ANKS1B: variants seen among roughly 807,000 people sequenced by gnomAD.
ANKS1B encodes the protein ankyrin repeat and sterile alpha motif domain-containing protein 1B.
ANKS1B carries 36 observed loss-of-function variants against 148.3 expected under a neutral mutation model. The observed-to-expected ratio is 0.24, with a 90% CI of 0.19 to 0.32. The LOEUF is 0.32. Ranked by LOEUF, ANKS1B falls within the 10% of genes least tolerant of loss-of-function variation. The probability of loss-of-function intolerance (pLI) is 1.00; values close to 1 mark genes in which losing one functional copy is unlikely to be tolerated. For missense variants in ANKS1B, 1,157 were observed against 1,542.6 expected, an observed-to-expected ratio of 0.75 and a Z score of 4.19; for synonymous variants, 542 against 560.8, an observed-to-expected ratio of 0.97 and a Z score of 0.47.
At chr12:99,771,793 C>T (rs1197829688) in intron 8 of ANKS1B, among the ~76,000 whole-genome samples, 1 of 151,900 alleles carries the variant, frequency 6.6e-6, no homozygotes, top group Non-Finnish European at 1.5e-5. Context: ...ACAAAAAAAG[C>T]AGGCCAAGGA....
In ANKS1B at chr12:99,319,772, C is replaced by G. The variant is rs186001032; in HGVS notation, c.1757-72908G>C. Among the ~76,000 whole-genome samples the G allele has an allele frequency of 4.6e-3, 698 of 152,192 alleles. 4 individuals are homozygous for G. The highest frequency in any genetic ancestry group is 0.016 in the African/African-American group (655 of 41,530). ...GTTAGTTTGTTTGTTAGTTGATGCA[C>G]TTTCTTCCTAGCATCGATGGTCTTT... On this transcript the variant is annotated intron_variant, in intron 12 of 26. Coordinates refer to ENST00000683438, the MANE Select transcript of ANKS1B (RefSeq NM_001352186.2).
chr12:98,978,395 T>C lies in ANKS1B; in HGVS notation c.2778+74762A>G, dbSNP rs968608738. Among the ~76,000 whole-genome samples, 13 of 152,312 alleles carry C rather than the reference T, an allele frequency of 8.5e-5. 2 individuals carry two copies. The East Asian group carries it at 2.5e-3, about 29-fold the overall frequency. On this transcript the variant is annotated intron_variant, in intron 17 of 26. Coordinates refer to ENST00000683438, the MANE Select transcript of ANKS1B (RefSeq NM_001352186.2). ...ATCTGTAGTTTATTTTTGGAGGATCTTTGCCCCACAGATTCCAGTCTTACC... is the reference window on the plus strand; with the variant it reads ...ATCTGTAGTTTATTTTTGGAGGATCCTTGCCCCACAGATTCCAGTCTTACC...
At chr12:99,185,879 C>T (rs866468100) in intron 14 of ANKS1B, among the ~76,000 whole-genome samples, 42 of 152,292 alleles carry the variant, frequency 2.8e-4, no homozygotes, top group Middle Eastern at 3.4e-3. Flanking sequence ...CCCTGGAACA[C>T]CAGCGAGACA....
chr12:99,557,413 T>G (rs1471988699), intron 9 of ANKS1B, among the ~76,000 whole-genome samples: 1 of 152,224 alleles, frequency 6.6e-6, no homozygotes, highest in East Asian at 1.9e-4. Flanking sequence ...TACCAGTATT[T>G]GAGCTCTGAG....
At chr12:99,106,621 T>C (rs1384468267) in intron 15 of ANKS1B, among the ~76,000 whole-genome samples, 1 of 152,214 alleles carries the variant, frequency 6.6e-6, no homozygotes, top group Non-Finnish European at 1.5e-5. Context: ...GGGATATATG[T>C]GATATCTTGA....
intron 9 of ANKS1B, among the ~76,000 whole-genome samples, chr12:99,517,786 G>A (rs1596242644): frequency 6.6e-6 from 1 of 152,172 alleles, no homozygotes; most frequent in South Asian, 2.1e-4. Context: ...GATAATCCTT[G>A]TTGTGTTCCA....
At chr12:99,371,590 TGA>T (rs550140765) in intron 12 of ANKS1B, among the ~76,000 whole-genome samples, 2 of 150,794 alleles carry the variant, frequency 1.3e-5, no homozygotes, top group African/African-American at 4.9e-5. Flanking sequence ...ATATACATAC[TGA>T]GAGAGAGAGA....
chr12:99,369,089 A>G (rs982944882), intron 12 of ANKS1B, among the ~76,000 whole-genome samples: 3 of 152,206 alleles, frequency 2.0e-5, no homozygotes, highest in Non-Finnish European at 4.4e-5. Flanking sequence ...GCAAAGGGCA[A>G]ACAGACCTTG....
intron 17 of ANKS1B, among the ~76,000 whole-genome samples, chr12:98,972,050 C>A (rs1001311688): frequency 2.0e-5 from 3 of 152,134 alleles, no homozygotes; most frequent in Admixed American, 6.5e-5. Flanking sequence ...CACTTGTAAG[C>A]CCAGCTACTA....
intron 17 of ANKS1B, chr12:98,895,026 C>T: frequency 1.2e-6 from 1 of 860,820 alleles, no homozygotes; most frequent in Non-Finnish European, 1.4e-6. Flanking sequence ...CCCCCGAACG[C>T]CGTCTCCAGG....
intron 15 of ANKS1B, among the ~76,000 whole-genome samples, chr12:99,122,167 TAATAA>T (rs1410495459): frequency 6.6e-6 from 1 of 152,162 alleles, no homozygotes; most frequent in Non-Finnish European, 1.5e-5. Flanking sequence ...GTGAAAATGT[TAATAA>T]AATAATATAT....
chr12:99,847,293 GCTT>G (rs1268431506), intron 1 of ANKS1B, among the ~76,000 whole-genome samples: 4 of 151,936 alleles, frequency 2.6e-5, no homozygotes, highest in Non-Finnish European at 5.9e-5. Flanking sequence ...GTCCTTCTGA[GCTT>G]CTTTCTCCTG....
chr12:99,381,422 G>C (rs960693478), intron 12 of ANKS1B, among the ~76,000 whole-genome samples: 52 of 152,182 alleles, frequency 3.4e-4, no homozygotes, highest in African/African-American at 1.2e-3. Context: ...GCACTGTGTA[G>C]AATGAGACAA....
intron 8 of ANKS1B, among the ~76,000 whole-genome samples, chr12:99,717,943 G>A (rs1191469382): frequency 1.6e-5 from 2 of 123,924 alleles, no homozygotes; most frequent in Non-Finnish European, 3.1e-5. Context: ...TCGCTCTGTC[G>A]CCCAGGCTGG....
At chr12:98,761,466 G>A (rs1301570105) in intron 25 of ANKS1B, among the ~76,000 whole-genome samples, 2 of 152,148 alleles carry the variant, frequency 1.3e-5, no homozygotes, top group Admixed American at 1.3e-4. Flanking sequence ...AGGAAGCTCA[G>A]AGCTAAAAGC....
intron 19 of ANKS1B, among the ~76,000 whole-genome samples, chr12:98,828,831 A>C (rs1294371694): frequency 6.6e-6 from 1 of 152,210 alleles, no homozygotes; most frequent in Non-Finnish European, 1.5e-5. Flanking sequence ...CCCATTATCC[A>C]ACCAATTTAC....
At chr12:99,743,712 A>G (rs1398904637) in intron 8 of ANKS1B, among the ~76,000 whole-genome samples, 1 of 152,214 alleles carries the variant, frequency 6.6e-6, no homozygotes, top group Non-Finnish European at 1.5e-5. Flanking sequence ...TATGAACTAA[A>G]GTAATAACAC....
At chr12:99,801,636 G>T (rs1258721629) in intron 4 of ANKS1B, among the ~76,000 whole-genome samples, 2 of 152,148 alleles carry the variant, frequency 1.3e-5, no homozygotes, top group East Asian at 3.9e-4. Context: ...AGAGAAAGGG[G>T]ATGGTAAGGA....
chr12:99,536,619 A>T (rs1343953479), intron 9 of ANKS1B, among the ~76,000 whole-genome samples: 3 of 148,654 alleles, frequency 2.0e-5, no homozygotes, highest in Middle Eastern at 3.2e-3. Flanking sequence ...TTTTTATTTT[A>T]ATTTAAATTT....
Sources: allele counts gnomAD v4.1 joint callset (sites outside exome capture counted in the v4.1 genomes callset), GRCh38; gene constraint gnomAD v4.1.1; transcripts MANE v1.5; gene names NCBI Gene and HGNC (gene_info 2026-07-23, HGNC 2026-07-21).